SLCO4A1: variants seen among roughly 807,000 people sequenced by gnomAD.
SLCO4A1 encodes colon organic anion transporter.
SLCO4A1 carries 51 observed loss-of-function variants against 64.6 expected under a neutral mutation model. The observed-to-expected ratio is 0.79, with a 90% CI of 0.63 to 1.00. The LOEUF is 1.00. Among genes scored for constraint, SLCO4A1 ranks in the 50% least tolerant of loss-of-function variants. The pLI is 0.00. For synonymous variants in SLCO4A1, 471 were observed against 444.9 expected, an observed-to-expected ratio of 1.06 and a Z score of -0.74; for missense variants, 919 against 980.5, an observed-to-expected ratio of 0.94 and a Z score of 0.84.
At chr20:62,678,777 G>T (rs567906900) in intron 2 of SLCO4A1, among the ~76,000 whole-genome samples, 2 of 152,308 alleles carry the variant, frequency 1.3e-5, no homozygotes, top group East Asian at 3.9e-4. Context: ...AACCTGGGAG[G>T]CACCACGCTG....
At chr20:62,669,146 G>GA in intron 11 of SLCO4A1, 68 bp downstream of exon 11, 1 of 1,487,980 alleles carries the variant, frequency 6.7e-7, no homozygotes, top group South Asian at 1.1e-5. Context: ...AACATGCCGC[G>GA]ATCTTCCAGC....
chr20:62,674,529 G>T (rs985530240), downstream of SLCO4A1, among the ~76,000 whole-genome samples: 13 of 152,354 alleles, frequency 8.5e-5, no homozygotes, highest in East Asian at 1.9e-3. Flanking sequence ...GCCACCAAGG[G>T]TGGTGCACCC....
At chr20:62,669,647 C>T (rs1227931296) in intron 11 of SLCO4A1, among the ~76,000 whole-genome samples, 2 of 152,310 alleles carry the variant, frequency 1.3e-5, no homozygotes, top group African/African-American at 2.4e-5. Context: ...AATTTGCCCC[C>T]ATTAGACGAT....
At position 62,643,346 on chromosome 20, in the gene SLCO4A1, G is replaced by C. The variant is rs151106193; in HGVS notation, c.-97+793G>C. On this transcript the variant is annotated intron_variant, in intron 1 of 11. Transcript: ENST00000217159. ...CTGCCCTAGACCGGCCCTAGACCGGGAACCTGGAAGCAGATCTGACTTCCA... is the reference window on the plus strand; with the variant it reads ...CTGCCCTAGACCGGCCCTAGACCGGCAACCTGGAAGCAGATCTGACTTCCA... 1,205 of 205,002 alleles carry C rather than the reference G, an allele frequency of 5.9e-3. 13 individuals are homozygous for C. Among genetic ancestry groups the C allele is most frequent in the African/African-American group, 0.024 (1,023 of 41,840 alleles). 12.7% of individuals were successfully genotyped at this position (205,002 alleles called of 1,614,324 possible). A position where few individuals can be genotyped will look rare whatever the true frequency, so the allele number is the denominator to read the frequency against.
In SLCO4A1 at chr20:62,644,317, T is replaced by G. The variant is rs751782507; in HGVS notation, c.-97+1764T>G. 1.1e-4 allele frequency among the ~76,000 whole-genome samples: 17 copies of G among 152,178 alleles called. No individual in the cohort carries two copies. The highest frequency in any genetic ancestry group is 2.0e-4 in the Admixed American group (3 of 15,274). On this transcript the variant is annotated intron_variant, in intron 1 of 11. Transcript: ENST00000217159. This position sits in a 1 kb window ranked among gnomAD's most constrained non-coding sequence, Gnocchi z 5.4. ...TGTCCTGCCTTCCTGCTGGGCAAGGTCAGCAGGTGGTGCCTGGAAAATTCT... is the reference window on the plus strand; with the variant it reads ...TGTCCTGCCTTCCTGCTGGGCAAGGGCAGCAGGTGGTGCCTGGAAAATTCT...
intron 3 of SLCO4A1, among the ~76,000 whole-genome samples, chr20:62,659,659 G>C (rs975980810): frequency 6.6e-6 from 1 of 152,204 alleles, no homozygotes; most frequent in Non-Finnish European, 1.5e-5. Flanking sequence ...TCTGGCCCCC[G>C]GAGGCGGCCG....
chr20:62,656,818 G>A lies in SLCO4A1; in HGVS notation c.364G>A (p.Gly122Ser). ...ATTCCTGCAGGGGATGACTGTGAATGGCTTCATCAACACAGTCATCACCTC... is the reference window on the plus strand; with the variant it reads ...ATTCCTGCAGGGGATGACTGTGAATAGCTTCATCAACACAGTCATCACCTC... The part of the protein sequence containing the change: ...AAFLQGMTVN[G>S]FINTVITSLE... Residue 122 changes from glycine to serine, a missense_variant, in exon 2 of 12, where the codon GGC becomes AGC. Physicochemically the swap from Gly to Ser is moderately conservative, Grantham distance 56. Coordinates refer to ENST00000217159, the MANE Select transcript of SLCO4A1 (RefSeq NM_016354.4). 1 of 1,612,850 alleles carries A rather than the reference G, an allele frequency of 6.2e-7. No individual in the cohort carries two copies. The highest frequency in any genetic ancestry group is 8.5e-7 in the Non-Finnish European group (1 of 1,179,864).
downstream of SLCO4A1, among the ~76,000 whole-genome samples, chr20:62,674,997 G>A (rs6011573): frequency 1 from 152,032 of 152,292 alleles, 75,888 homozygotes; most frequent in Middle Eastern, 1. Flanking sequence ...GACGGAGGCT[G>A]TAGAGTTTCG....
intron 9 of SLCO4A1, 23 bp downstream of exon 9, chr20:62,668,207 C>T (rs1214544566): frequency 1.9e-6 from 3 of 1,613,010 alleles, no homozygotes; most frequent in Non-Finnish European, 2.5e-6. Flanking sequence ...CGGGTGTGCG[C>T]TTGTCCAGAG....
At chr20:62,686,969 G>GA (rs1988079440), downstream of SLCO4A1, among the ~76,000 whole-genome samples, 1 of 138,778 alleles carries the variant, frequency 7.2e-6, no homozygotes, top group South Asian at 2.4e-4. Context: ...GGCACAATGG[G>GA]AACGGCACCC....
At chr20:62,676,977 C>T (rs1987625765), downstream of SLCO4A1, among the ~76,000 whole-genome samples, 1 of 152,208 alleles carries the variant, frequency 6.6e-6, no homozygotes. Context: ...AGAATGAAGC[C>T]CTGCGCTATG....
At chr20:62,664,886 C>T (rs763593918) in intron 5 of SLCO4A1, 48 bp from the exon 6 acceptor site, 1 of 1,535,834 alleles carries the variant, frequency 6.5e-7, no homozygotes, top group South Asian at 1.3e-5. Context: ...GACCTCTGCC[C>T]ACCACTCTGA....
chr20:62,642,563 C>A lies in SLCO4A1; in HGVS notation c.-97+10C>A, dbSNP rs929998133. ...CCTCGAGACGGGGACGGTGAGTGCG[C>A]GGGGAGCGGGGAGCTGGCGCGGGTG... is the stretch of plus-strand genomic sequence containing the variant. On this transcript the variant is annotated intron_variant, in intron 1 of 11. Coordinates refer to ENST00000217159, the MANE Select transcript of SLCO4A1 (RefSeq NM_016354.4). The A allele has an allele frequency of 4.2e-5, 8 of 191,638 alleles. No homozygotes were observed. The highest frequency in any genetic ancestry group is 7.6e-5 in the Non-Finnish European group (7 of 92,542). 11.9% of individuals were successfully genotyped at this position (191,638 alleles called of 1,614,324 possible).
chr20:62,671,301 C>T (rs1987180723), intron 11 of SLCO4A1, among the ~76,000 whole-genome samples: 1 of 152,148 alleles, frequency 6.6e-6, no homozygotes, highest in South Asian at 2.1e-4. Context: ...GCCGCTCTGG[C>T]TCTCTGCAGC....
chr20:62,664,581 T>C (rs1985719916), intron 5 of SLCO4A1, among the ~76,000 whole-genome samples: 2 of 152,126 alleles, frequency 1.3e-5, no homozygotes, highest in African/African-American at 4.8e-5. Flanking sequence ...AAGGCACTGA[T>C]AAGGTTTTTC....
chr20:62,687,100 GGA>G (rs1988087649), downstream of SLCO4A1, among the ~76,000 whole-genome samples: 4 of 146,480 alleles, frequency 2.7e-5, no homozygotes, highest in Admixed American at 6.7e-5. Flanking sequence ...CCCCCAAACA[GGA>G]GCAATGGGAA....
downstream of SLCO4A1, among the ~76,000 whole-genome samples, chr20:62,687,924 T>C (rs1988118380): frequency 6.6e-6 from 1 of 151,950 alleles, no homozygotes; most frequent in Admixed American, 6.6e-5. Context: ...CTCCCGGCCA[T>C]GTCCTACCAG....
At chr20:62,662,181 G>A (rs1308663126) in intron 5 of SLCO4A1, among the ~76,000 whole-genome samples, 2 of 152,260 alleles carry the variant, frequency 1.3e-5, no homozygotes, top group South Asian at 4.1e-4. Context: ...GCTGTCCACG[G>A]CAGAGAGGAG....
downstream of SLCO4A1, among the ~76,000 whole-genome samples, chr20:62,687,713 G>A (rs1017744882): frequency 2.0e-5 from 3 of 152,186 alleles, no homozygotes; most frequent in Admixed American, 6.5e-5. Flanking sequence ...GTGGGGGGCC[G>A]CTCCTGGACA....
Sources: gnomAD v4.1 joint callset for allele counts (sites outside exome capture counted in the v4.1 genomes callset) on GRCh38, gnomAD v4.1.1 for gene constraint, Gnocchi (gnomAD v3.1) non-coding constraint, MANE v1.5 for transcripts, NCBI Gene and HGNC (gene_info 2026-07-23, HGNC 2026-07-21) for gene names.